The following HECW1 variants were observed in gnomAD, a reference collection of about 807,000 sequenced individuals.
HECW1 encodes E3 ubiquitin-protein ligase HECW1.
HECW1 carries 61 observed loss-of-function variants against 182.3 expected under a neutral mutation model. That is an observed-to-expected ratio of 0.33 (90% CI 0.27 to 0.41). The LOEUF (loss-of-function observed/expected upper bound fraction) is 0.41. Among genes scored for constraint, HECW1 ranks in the 10% least tolerant of loss-of-function variants. The pLI is 1.00. For missense variants in HECW1, 1,739 were observed against 2,108.9 expected (o/e 0.82, Z 3.44); for synonymous variants, 859 against 832.6 (o/e 1.03, Z -0.55).
chr7:43,437,986 A>G lies in HECW1; in HGVS notation c.802-17A>G. ...CAACCTCTCAGTTAATTGATGTGAC[A>G]TATTCTTTCATTGCAGCAATTCAGT... On this transcript the variant is annotated splice_polypyrimidine_tract_variant and intron_variant, in intron 8 of 29. Coordinates refer to ENST00000395891, the MANE Select transcript of HECW1 (RefSeq NM_015052.5). 1 of 1,613,588 alleles carries G rather than the reference A, an allele frequency of 6.2e-7. No homozygotes were observed. Among genetic ancestry groups the G allele is most frequent in the Non-Finnish European group, 8.5e-7 (1 of 1,179,690 alleles).
rs1412387728 is a variant in HECW1 at position 43,374,540 on chromosome 7, C to T, written c.555+13560C>T. On this transcript the variant is annotated intron_variant, in intron 6 of 29. Coordinates refer to ENST00000395891, the MANE Select transcript of HECW1 (RefSeq NM_015052.5). ...GAACAACAGATGCACTTTGGGAGGC[C>T]GAGGCGGGCGGATCACGAGGTCAGG... Among the ~76,000 whole-genome samples the T allele has an allele frequency of 2.3e-4, 12 of 51,788 alleles. 3 individuals carry two copies. In the South Asian group the frequency reaches 7.5e-3, roughly 32 times the overall value. The allele number at this position is 51,788 out of a possible 152,430, so 34.0% of individuals were successfully genotyped here.
chr7:43,292,597 G>A (rs1805528183), intron 3 of HECW1, among the ~76,000 whole-genome samples: 1 of 152,204 alleles, frequency 6.6e-6, no homozygotes, highest in Non-Finnish European at 1.5e-5. Flanking sequence ...GGAGCTCAGG[G>A]GACAGCTGAG....
chr7:43,134,402 A>AAG (rs1409282415), intron 2 of HECW1, among the ~76,000 whole-genome samples: 5 of 151,774 alleles, frequency 3.3e-5, no homozygotes, highest in African/African-American at 1.2e-4. Context: ...TCAAAAAAAA[A>AAG]AAAAAAAAAA....
chr7:43,169,691 T>TTTTTC (rs1791483585), intron 2 of HECW1, among the ~76,000 whole-genome samples: 1 of 21,708 alleles, frequency 4.6e-5, no homozygotes, highest in Non-Finnish European at 1.0e-4. Flanking sequence ...TTTTCTTTTC[T>TTTTTC]TTTTTTTTTT....
chr7:43,539,832 G>A (rs1418750938), intron 24 of HECW1, among the ~76,000 whole-genome samples: 1 of 152,206 alleles, frequency 6.6e-6, no homozygotes, highest in Admixed American at 6.5e-5. Context: ...TCTTCTATTG[G>A]AGTAGAAGAT....
At chr7:43,227,625 C>A (rs951216086) in intron 2 of HECW1, among the ~76,000 whole-genome samples, 2 of 151,892 alleles carry the variant, frequency 1.3e-5, no homozygotes, top group South Asian at 4.1e-4. Flanking sequence ...ATAAAATATC[C>A]TCTATTTTTC....
chr7:43,488,563 A>G (rs1019937635), intron 17 of HECW1, among the ~76,000 whole-genome samples: 1 of 152,256 alleles, frequency 6.6e-6, no homozygotes, highest in African/African-American at 2.4e-5. Context: ...GTGAGATTCA[A>G]ATCAGTCACT....
At chr7:43,364,947 T>C (rs531985810) in intron 6 of HECW1, among the ~76,000 whole-genome samples, 2 of 152,352 alleles carry the variant, frequency 1.3e-5, no homozygotes, top group Admixed American at 6.5e-5. Context: ...TCTCTGATTA[T>C]ACATCAAAAA....
At chr7:43,235,927 A>G (rs188904225) in intron 2 of HECW1, among the ~76,000 whole-genome samples, 3 of 152,300 alleles carry the variant, frequency 2.0e-5, no homozygotes, top group Non-Finnish European at 4.4e-5. Flanking sequence ...GGTGGTTCAC[A>G]CCAGTAATCC....
intron 13 of HECW1, 31 bp from the exon 14 acceptor site, chr7:43,463,629 A>G: frequency 1.9e-6 from 3 of 1,601,484 alleles, no homozygotes; most frequent in Non-Finnish European, 2.6e-6. Context: ...AACCAAAGTT[A>G]ACTCCTGTCT....
intron 2 of HECW1, among the ~76,000 whole-genome samples, chr7:43,210,471 G>GTGTGTT (rs1167898632): frequency 6.7e-6 from 1 of 148,966 alleles, no homozygotes; most frequent in East Asian, 2.0e-4. Context: ...GTGTGTGTGT[G>GTGTGTT]TGTGTGGTAT....
At chr7:43,172,030 C>T (rs1791744584) in intron 2 of HECW1, among the ~76,000 whole-genome samples, 1 of 151,622 alleles carries the variant, frequency 6.6e-6, no homozygotes, top group Non-Finnish European at 1.5e-5. Context: ...GTAATCCCAG[C>T]ACTTTGGGAG....
intron 8 of HECW1, among the ~76,000 whole-genome samples, chr7:43,426,584 C>T (rs183692110): frequency 1.3e-5 from 2 of 152,260 alleles, no homozygotes; most frequent in East Asian, 3.9e-4. Flanking sequence ...TCTTTCATTT[C>T]CTTTCTTATG....
At chr7:43,135,059 CT>C (rs1456272755) in intron 2 of HECW1, among the ~76,000 whole-genome samples, 1 of 151,986 alleles carries the variant, frequency 6.6e-6, no homozygotes, top group Non-Finnish European at 1.5e-5. Context: ...ATTCTTCCCC[CT>C]GTGGTACTGT....
intron 5 of HECW1, among the ~76,000 whole-genome samples, chr7:43,354,888 G>A (rs1255446457): frequency 2.0e-5 from 3 of 152,050 alleles, no homozygotes; most frequent in African/African-American, 7.2e-5. Context: ...AAAGGTCAAG[G>A]ACAAAGATGG....
intron 8 of HECW1, among the ~76,000 whole-genome samples, chr7:43,429,046 A>G (rs1199558066): frequency 6.7e-6 from 1 of 150,256 alleles, no homozygotes; most frequent in Non-Finnish European, 1.5e-5. Context: ...ATACAATTAT[A>G]TGCATATTAC....
At chr7:43,197,687 C>G (rs1465238948) in intron 2 of HECW1, among the ~76,000 whole-genome samples, 1 of 152,054 alleles carries the variant, frequency 6.6e-6, no homozygotes, top group East Asian at 1.9e-4. Flanking sequence ...GGGAGAGGAG[C>G]GGTGAGGTGA....
At chr7:43,216,014 G>A (rs1796411097) in intron 2 of HECW1, among the ~76,000 whole-genome samples, 1 of 152,156 alleles carries the variant, frequency 6.6e-6, no homozygotes, top group Non-Finnish European at 1.5e-5. Context: ...TACAGTTTAT[G>A]GAAGTAGTCT....
chr7:43,168,674 GAATAAT>G, intron 2 of HECW1, among the ~76,000 whole-genome samples: 1 of 151,908 alleles, frequency 6.6e-6, no homozygotes, highest in East Asian at 1.9e-4. Flanking sequence ...ATAATAATAA[GAATAAT>G]AATAATAGTA....
Sources: gnomAD v4.1 joint callset for allele counts (sites outside exome capture counted in the v4.1 genomes callset) on GRCh38, gnomAD v4.1.1 for gene constraint, MANE v1.5 for transcripts, NCBI Gene and HGNC (gene_info 2026-07-23, HGNC 2026-07-21) for gene names.